Variants in DYTN observed in about 807,000 individuals in gnomAD.
The protein encoded by DYTN is dystrotelin.
A neutral mutation model predicts 69.6 loss-of-function variants in DYTN; 75 were observed. The observed-to-expected ratio is 1.08, with a 90% confidence interval of 0.89 to 1.31. The LOEUF (loss-of-function observed/expected upper bound fraction) is 1.31, where lower values mean the gene tolerates loss of function less well. DYTN is among the 50% of genes most tolerant of loss of function. The probability of loss-of-function intolerance (pLI) is 0.00; values close to 1 mark genes in which losing one functional copy is unlikely to be tolerated. For missense variants in DYTN, 726 were observed against 688.4 expected (o/e 1.05, Z -0.61); for synonymous variants, 252 against 249.1 (o/e 1.01, Z -0.11).
chr2:206,715,222 G>T (rs1032899849), intron 1 of DYTN, among the ~76,000 whole-genome samples: 10 of 152,050 alleles, frequency 6.6e-5, no homozygotes, highest in African/African-American at 1.4e-4. Flanking sequence ...CCTACTTTTT[G>T]GGGGAGGAAC....
At chr2:206,715,145 C>G (rs1272111645) in intron 1 of DYTN, among the ~76,000 whole-genome samples, 1 of 152,098 alleles carries the variant, frequency 6.6e-6, no homozygotes. Context: ...GAGGTAGAAA[C>G]AGGTGGGAAT....
chr2:206,660,515 C>T (rs1699500182), intron 11 of DYTN, among the ~76,000 whole-genome samples: 1 of 152,188 alleles, frequency 6.6e-6, no homozygotes, highest in Admixed American at 6.5e-5. Flanking sequence ...ATAAAAACAA[C>T]ATGAATACGC....
At chr2:206,695,546 A>G (rs1444406948) in intron 7 of DYTN, among the ~76,000 whole-genome samples, 2 of 152,174 alleles carry the variant, frequency 1.3e-5, no homozygotes, top group African/African-American at 4.8e-5. Flanking sequence ...CTTTGTGGTC[A>G]GAAGGAGCGG....
chr2:206,705,346 C>T (rs1700014952), intron 4 of DYTN, among the ~76,000 whole-genome samples: 1 of 152,252 alleles, frequency 6.6e-6, no homozygotes, highest in Non-Finnish European at 1.5e-5. Context: ...GATCCGCCCG[C>T]CTCGACCTCC....
At chr2:206,701,056 T>C (rs1339708870) in intron 5 of DYTN, 3 of 152,178 alleles carry the variant, frequency 2.0e-5, no homozygotes, top group African/African-American at 7.2e-5. Flanking sequence ...ATTGTATATA[T>C]ACATATTTTT....
intron 11 of DYTN, 133 bp downstream of exon 11, chr2:206,662,770 G>A (rs1559305032): frequency 2.2e-6 from 3 of 1,360,366 alleles, no homozygotes; most frequent in Admixed American, 2.3e-5. Context: ...AGATGCTACT[G>A]ATAACCAATA....
intron 9 of DYTN, among the ~76,000 whole-genome samples, chr2:206,690,322 G>A (rs1318184158): frequency 6.6e-6 from 1 of 152,244 alleles, no homozygotes; most frequent in East Asian, 1.9e-4. Context: ...AACAAGTCAG[G>A]GAGAGGTGCA....
At chr2:206,684,201 C>T (rs1699782520) in intron 9 of DYTN, among the ~76,000 whole-genome samples, 1 of 152,196 alleles carries the variant, frequency 6.6e-6, no homozygotes, top group Non-Finnish European at 1.5e-5. Flanking sequence ...ATTTCAAGAG[C>T]ATCTATGTTC....
chr2:206,712,672 T>C (rs1047228199), intron 1 of DYTN, among the ~76,000 whole-genome samples: 2 of 152,264 alleles, frequency 1.3e-5, no homozygotes, highest in Middle Eastern at 6.8e-3. Flanking sequence ...CATGTTCCCT[T>C]AGCCACCCAG....
Position 206,707,416 on chromosome 2 carries a change from T to C in DYTN, c.182A>G (p.Gln61Arg), listed in dbSNP as rs756599388. The C allele has an allele frequency of 1.2e-6, 2 of 1,613,370 alleles. No homozygotes were observed. ...CAGCTCTTGGAGTGCCTGAGAAAGTTGCTGCACAGAAAGGGAGTGCTTGCG... is the reference window on the plus strand; with the variant it reads ...CAGCTCTTGGAGTGCCTGAGAAAGTCGCTGCACAGAAAGGGAGTGCTTGCG... Reference protein sequence around the residue: ...EARKHSLSVQQLSQALQELFQ... With the variant: ...EARKHSLSVQRLSQALQELFQ... Residue 61 changes from glutamine (Q) to arginine (R), a missense_variant, in exon 3 of 12, where the codon CAA becomes CGA. Gln to Arg is a conservative substitution (Grantham distance 43, BLOSUM62 1). Transcript: ENST00000452335.
rs190748856 is a variant in DYTN, at chr2:206,660,604, G to A, written c.1633+2299C>T. Among the ~76,000 whole-genome samples, 160 of 152,276 alleles carry A rather than the reference G, an allele frequency of 1.1e-3. 2 individuals carry two copies. The highest frequency in any genetic ancestry group is 3.6e-3 in the African/African-American group (150 of 41,552). On this transcript the variant is annotated intron_variant, in intron 11 of 11. Transcript: ENST00000452335. ...AAAAGGTCAAGTGGATATTGACTTC[G>A]CTTTGAATACTCATCATGACCCCAA...
At chr2:206,677,729 A>G (rs544525289) in intron 9 of DYTN, among the ~76,000 whole-genome samples, 2 of 152,280 alleles carry the variant, frequency 1.3e-5, no homozygotes, top group Admixed American at 6.5e-5. Context: ...GGTGGCTCAC[A>G]CCTGTAATCC....
chr2:206,654,141 TGGAAA>T (rs1461113971), intron 11 of DYTN, among the ~76,000 whole-genome samples: 1 of 152,234 alleles, frequency 6.6e-6, no homozygotes, highest in Non-Finnish European at 1.5e-5. Context: ...GCTTAAATGC[TGGAAA>T]TATATCTTTT....
chr2:206,701,364 CATA>C (rs1445336210), intron 5 of DYTN, among the ~76,000 whole-genome samples: 5 of 152,194 alleles, frequency 3.3e-5, no homozygotes, highest in Non-Finnish European at 7.3e-5. Context: ...TAGCACTCTT[CATA>C]ATAGCCAAGT....
intron 9 of DYTN, among the ~76,000 whole-genome samples, chr2:206,669,260 C>T (rs1015631710): frequency 1.3e-5 from 2 of 152,192 alleles, no homozygotes; most frequent in African/African-American, 4.8e-5. Context: ...ACATGGGCCT[C>T]CAATTGTGGG....
chr2:206,684,206 A>G (rs1393880575), intron 9 of DYTN, among the ~76,000 whole-genome samples: 1 of 152,206 alleles, frequency 6.6e-6, no homozygotes, highest in Admixed American at 6.5e-5. Flanking sequence ...AAGAGCATCT[A>G]TGTTCTTCCC....
At chr2:206,660,192 A>G (rs766279063) in intron 11 of DYTN, among the ~76,000 whole-genome samples, 5 of 152,224 alleles carry the variant, frequency 3.3e-5, no homozygotes, top group Non-Finnish European at 7.3e-5. Context: ...TGCTAATTGT[A>G]TATTTATACA....
rs1413294665 is a variant in DYTN at position 206,663,123 on chromosome 2, C to T, written c.1413G>A (p.Lys471=). Residue 471 remains lysine, a synonymous_variant, in exon 11 of 12, where the codon AAG becomes AAA. Coordinates refer to ENST00000452335, the MANE Select transcript of DYTN (RefSeq NM_001093730.1). ...GGGCACTAATGACTTTCTGTGGCAT[C>T]TTTTGTGTTTGGCTTTGTGCCCTGG... The part of the protein sequence containing the change: ...HSTRAQSQTQ[K]MPQKVISALP... 1 of 1,613,868 alleles carries T rather than the reference C, an allele frequency of 6.2e-7. No individual in the cohort carries two copies. The highest frequency in any genetic ancestry group is 8.5e-7 in the Non-Finnish European group (1 of 1,179,876).
chr2:206,659,307 G>C (rs889759982), intron 11 of DYTN, among the ~76,000 whole-genome samples: 4 of 150,810 alleles, frequency 2.7e-5, no homozygotes, highest in African/African-American at 9.7e-5. Flanking sequence ...GAGTAGCTGG[G>C]ACTACAGGCT....
Sources: allele counts gnomAD v4.1 joint callset (sites outside exome capture counted in the v4.1 genomes callset), GRCh38; gene constraint gnomAD v4.1.1; transcripts MANE v1.5; gene names NCBI Gene and HGNC (gene_info 2026-07-23, HGNC 2026-07-21).